Variants in DYNC2LI1 observed in about 807,000 individuals in gnomAD.
DYNC2LI1 encodes cytoplasmic dynein 2 light intermediate chain 1.
In DYNC2LI1, 45 loss-of-function variants were observed where a neutral mutation model predicts 51.9. The ratio of observed to expected loss-of-function variants is 0.87; its 90% confidence interval spans 0.68 to 1.11. The LOEUF is 1.11. Among genes scored for constraint, DYNC2LI1 ranks in the 50% most tolerant of loss-of-function variants. The pLI, the probability that DYNC2LI1 is intolerant of heterozygous loss-of-function variation, is 0.00. For missense variants in DYNC2LI1, 490 were observed against 417.4 expected (o/e 1.17, Z -1.51); for synonymous variants, 130 against 137.8 (o/e 0.94, Z 0.40).
At chr2:43,824,364 T>A in the DYNC2LI1 span, 1 of 1,614,218 alleles carries the variant, frequency 6.2e-7, no homozygotes, top group South Asian at 1.1e-5. Flanking sequence ...GCAGATTCTA[T>A]CATCTGGACT....
chr2:43,806,056 G>C (rs903060002), intron 12 of DYNC2LI1, among the ~76,000 whole-genome samples: 3 of 151,172 alleles, frequency 2.0e-5, no homozygotes, highest in African/African-American at 7.3e-5. Context: ...AATTTTTTTT[G>C]CTTTTTTAGT....
At chr2:43,825,097 C>G in the DYNC2LI1 span, 4 of 1,557,924 alleles carry the variant, frequency 2.6e-6, no homozygotes. Flanking sequence ...AACACTGATG[C>G]AGGGCCAAGG....
At chr2:43,823,038 G>A in the DYNC2LI1 span, 9 of 1,493,044 alleles carry the variant, frequency 6.0e-6, no homozygotes, top group Non-Finnish European at 7.3e-6. Context: ...TGGATGGTGA[G>A]GACCAGCTAG....
intron 8 of DYNC2LI1, among the ~76,000 whole-genome samples, chr2:43,798,411 G>A (rs1271885216): frequency 6.6e-6 from 1 of 152,080 alleles, no homozygotes; most frequent in Non-Finnish European, 1.5e-5. Flanking sequence ...ACTATTTTGA[G>A]AGGATATGGG....
the DYNC2LI1 span, chr2:43,826,581 A>G: frequency 1.9e-6 from 3 of 1,611,668 alleles, no homozygotes; most frequent in Non-Finnish European, 2.5e-6. Flanking sequence ...CTGTGCTTAA[A>G]ACTCAGAGTT....
chr2:43,796,879 A>G (rs1665879468), intron 8 of DYNC2LI1, 84 bp downstream of exon 8: 6 of 1,057,772 alleles, frequency 5.7e-6, no homozygotes, highest in Admixed American at 3.6e-5. Flanking sequence ...GCTACGAGGA[A>G]TAAATGCTTT....
intron 3 of DYNC2LI1, among the ~76,000 whole-genome samples, chr2:43,784,444 CTTT>C (rs1020543253): frequency 6.9e-6 from 1 of 145,908 alleles, no homozygotes; most frequent in East Asian, 2.0e-4. Context: ...TTCTTTCTTT[CTTT>C]TTTTTTTTTG....
chr2:43,796,250 T>C (rs907879635), intron 7 of DYNC2LI1, among the ~76,000 whole-genome samples: 1 of 151,860 alleles, frequency 6.6e-6, no homozygotes, highest in Non-Finnish European at 1.5e-5. Context: ...GGAGGATCAA[T>C]TGAGCCCAGG....
At chr2:43,827,229 G>A in the DYNC2LI1 span, among the ~76,000 whole-genome samples, 1 of 151,840 alleles carries the variant, frequency 6.6e-6, no homozygotes, top group African/African-American at 2.4e-5. Flanking sequence ...GGAGGCTGAG[G>A]CAGGAGAATC....
chr2:43,811,608 T>G (rs1666482541), downstream of DYNC2LI1, among the ~76,000 whole-genome samples: 1 of 152,128 alleles, frequency 6.6e-6, no homozygotes, highest in South Asian at 2.1e-4. Flanking sequence ...ACCTTTTTTT[T>G]TTTTTGAGAC....
intron 2 of DYNC2LI1, among the ~76,000 whole-genome samples, chr2:43,778,262 C>T (rs567070178): frequency 9.2e-5 from 14 of 152,264 alleles, no homozygotes; most frequent in African/African-American, 2.6e-4. Context: ...TTCCCTGGCT[C>T]GGGTGATTTT....
At chr2:43,826,638 G>A in the DYNC2LI1 span, 51 of 1,491,540 alleles carry the variant, frequency 3.4e-5, 1 homozygote, top group Middle Eastern at 7.9e-4. Context: ...ACAGTGTGCG[G>A]TGGGAAGTAA....
chr2:43,789,692 C>T lies in DYNC2LI1; in HGVS notation c.291C>T (p.Ile97=). The T allele has an allele frequency of 6.2e-7, 1 of 1,613,884 alleles. No individual in the cohort carries two copies. Among genetic ancestry groups the T allele is most frequent in the Non-Finnish European group, 8.5e-7 (1 of 1,179,894 alleles). Residue 97 remains isoleucine (I), a synonymous_variant, in exon 5 of 13, where the codon ATC becomes ATT. Transcript: ENST00000260605. ...LGGGTSLLDL[I]SIPITGDTLR... ...GAGGAACCTCTTTATTGGACTTAAT[C>T]AGCATACCCATCACAGGTGACACCT... is the stretch of plus-strand genomic sequence containing the variant.
At chr2:43,785,267 C>A (rs1389315117) in intron 3 of DYNC2LI1, among the ~76,000 whole-genome samples, 1 of 152,098 alleles carries the variant, frequency 6.6e-6, no homozygotes, top group African/African-American at 2.4e-5. Flanking sequence ...CCACTGCATT[C>A]TAGCCTGCAT....
chr2:43,815,110 G>C, the DYNC2LI1 span, among the ~76,000 whole-genome samples: 1 of 152,158 alleles, frequency 6.6e-6, no homozygotes, highest in Non-Finnish European at 1.5e-5. Context: ...TAAACAGAAA[G>C]TTGAAGGTAC....
the DYNC2LI1 span, among the ~76,000 whole-genome samples, chr2:43,816,463 C>G: frequency 6.6e-6 from 1 of 152,194 alleles, no homozygotes; most frequent in African/African-American, 2.4e-5. Flanking sequence ...GTGAAAGGCA[C>G]AGACAGAAGG....
intron 10 of DYNC2LI1, among the ~76,000 whole-genome samples, chr2:43,802,680 G>T (rs867991152): frequency 6.6e-6 from 1 of 152,012 alleles, no homozygotes; most frequent in Non-Finnish European, 1.5e-5. Context: ...AAATCATGGC[G>T]CCTAGATCTC....
At chr2:43,780,104 G>T (rs1026590794) in intron 2 of DYNC2LI1, among the ~76,000 whole-genome samples, 1 of 152,216 alleles carries the variant, frequency 6.6e-6, no homozygotes, top group African/African-American at 2.4e-5. Flanking sequence ...GGGAAGAGGG[G>T]TGTCAATGGA....
intron 8 of DYNC2LI1, 147 bp from the exon 9 acceptor site, chr2:43,800,694 G>C: frequency 2.1e-6 from 1 of 476,638 alleles, no homozygotes; most frequent in Non-Finnish European, 3.7e-6. Context: ...TTCAGGTTTT[G>C]TTTTGTCTAC....
Sources: allele counts gnomAD v4.1 joint callset (sites outside exome capture counted in the v4.1 genomes callset), GRCh38; gene constraint gnomAD v4.1.1; transcripts MANE v1.5; gene names NCBI Gene and HGNC (gene_info 2026-07-23, HGNC 2026-07-21).